FGF13: variants seen among roughly 807,000 people sequenced by gnomAD.
FGF13 encodes the protein fibroblast growth factor 13, also known as fibroblast growth factor homologous factor 2.
A neutral mutation model predicts 19.5 loss-of-function variants in FGF13; 2 were observed. The observed-to-expected ratio is 0.10, with a 90% CI of 0.04 to 0.32. FGF13 has a LOEUF of 0.32. FGF13 is among the 10% of genes least tolerant of loss of function. The pLI is 1.00. For missense variants in FGF13, 113 were observed against 192.7 expected (o/e 0.59, Z 2.45); for synonymous variants, 72 against 76.9 (o/e 0.94, Z 0.33).
At chrX:139,056,178 C>A (rs1193415084) in intron 1 of FGF13, among the ~76,000 whole-genome samples, 1 of 112,485 alleles carries the variant, frequency 8.9e-6, no homozygotes, top group Non-Finnish European at 1.9e-5. Flanking sequence ...GGAACACCTA[C>A]TAGTACTACG....
intron 1 of FGF13, among the ~76,000 whole-genome samples, chrX:139,001,992 A>G (rs1326116426): frequency 8.9e-6 from 1 of 111,950 alleles, no homozygotes; most frequent in Non-Finnish European, 1.9e-5. Context: ...AAATGCACCA[A>G]GGAATACTAT....
At chrX:138,911,510 G>C (rs773513389) in intron 1 of FGF13, among the ~76,000 whole-genome samples, 3 of 110,620 alleles carry the variant, frequency 2.7e-5, no homozygotes, top group African/African-American at 9.9e-5. Context: ...ATAATTAATG[G>C]ATACTAGGCT....
intron 1 of FGF13, among the ~76,000 whole-genome samples, chrX:139,147,203 T>G (rs1033837635): frequency 8.6e-5 from 9 of 105,157 alleles, no homozygotes; most frequent in Non-Finnish European, 1.6e-4. Flanking sequence ...ATAAAAAATT[T>G]AAAAACAAGT....
chrX:138,640,800 A>G (rs756382224), intron 3 of FGF13, among the ~76,000 whole-genome samples: 2 of 111,701 alleles, frequency 1.8e-5, no homozygotes, highest in African/African-American at 6.5e-5. Context: ...GGTTTTTCAT[A>G]CTTTTTTTTC....
At chrX:139,187,948 T>G (rs1225071517) in intron 1 of FGF13, among the ~76,000 whole-genome samples, 1 of 112,110 alleles carries the variant, frequency 8.9e-6, no homozygotes, top group East Asian at 2.8e-4. Flanking sequence ...ATCACCTAGC[T>G]TCTACATGTG....
At chrX:138,733,495 A>T (rs1188517320) in intron 1 of FGF13, among the ~76,000 whole-genome samples, 1 of 111,637 alleles carries the variant, frequency 9.0e-6, no homozygotes, top group Non-Finnish European at 1.9e-5. Flanking sequence ...CAACCAATGA[A>T]CAAACCAAAA....
chrX:139,177,540 G>A (rs1173076560), intron 1 of FGF13, among the ~76,000 whole-genome samples: 1 of 111,504 alleles, frequency 9.0e-6, no homozygotes, highest in African/African-American at 3.3e-5. Flanking sequence ...AATTTGGTAT[G>A]TTTTTGCAGT....
At chrX:138,799,310 G>A (rs763591950) in intron 3 of FGF13, among the ~76,000 whole-genome samples, 3 of 111,447 alleles carry the variant, frequency 2.7e-5, no homozygotes, top group South Asian at 3.8e-4. Context: ...CCTTCATTTC[G>A]TTATTTACCC....
chrX:138,777,542 T>G (rs1409315279), intron 3 of FGF13, among the ~76,000 whole-genome samples: 1 of 111,004 alleles, frequency 9.0e-6, no homozygotes, highest in Non-Finnish European at 1.9e-5. Flanking sequence ...TGGGTGGAAA[T>G]GATGGGAAAG....
At chrX:138,638,691 TAGGACTC>T (rs1202443098) in intron 3 of FGF13, among the ~76,000 whole-genome samples, 2 of 112,185 alleles carry the variant, frequency 1.8e-5, no homozygotes, top group African/African-American at 6.5e-5. Flanking sequence ...TTGGAAATTC[TAGGACTC>T]AGAATTATCA....
chrX:138,990,053 G>C (rs2092009151), intron 1 of FGF13, among the ~76,000 whole-genome samples: 1 of 111,942 alleles, frequency 8.9e-6, no homozygotes, highest in African/African-American at 3.2e-5. Context: ...AATCCTGCCT[G>C]AACAGTATGT....
At chrX:138,681,817 G>A (rs141054390) in intron 3 of FGF13, among the ~76,000 whole-genome samples, 1,309 of 111,468 alleles carry the variant, frequency 0.012, 21 homozygotes, top group South Asian at 0.053. Flanking sequence ...GAGAGATGGG[G>A]GAATGGCCTG....
At chrX:138,713,290 T>C (rs965790568), upstream of FGF13, among the ~76,000 whole-genome samples, 1 of 112,345 alleles carries the variant, frequency 8.9e-6, no homozygotes, top group Non-Finnish European at 1.9e-5. Flanking sequence ...GACTGATTGA[T>C]ATTGATTCTG....
chrX:138,946,962 T>G (rs1421985577), intron 1 of FGF13, among the ~76,000 whole-genome samples: 3 of 112,221 alleles, frequency 2.7e-5, no homozygotes, highest in Non-Finnish European at 5.6e-5. Context: ...TGTAAAGCAA[T>G]TTGTTGTAAC....
At chrX:139,067,916 T>C (rs2092362450) in intron 1 of FGF13, among the ~76,000 whole-genome samples, 1 of 106,446 alleles carries the variant, frequency 9.4e-6, no homozygotes, top group Non-Finnish European at 1.9e-5. Flanking sequence ...CTGTGAAAAT[T>C]TTCTCCCATT....
At chrX:139,195,148 G>A (rs765723445) in intron 1 of FGF13, among the ~76,000 whole-genome samples, 1 of 99,654 alleles carries the variant, frequency 1.0e-5, no homozygotes, top group Non-Finnish European at 2.0e-5. Flanking sequence ...ACTGAGGGAG[G>A]CTGGTTGACC....
intron 1 of FGF13, among the ~76,000 whole-genome samples, chrX:138,938,555 G>A (rs112228890): frequency 1.6e-3 from 180 of 110,774 alleles, no homozygotes; most frequent in African/African-American, 5.7e-3. Context: ...GGATTCTGCC[G>A]CCCCAAAGAA....
intron 3 of FGF13, among the ~76,000 whole-genome samples, chrX:138,747,591 C>T (rs777666403): frequency 1.1e-4 from 12 of 111,884 alleles, no homozygotes; most frequent in Non-Finnish European, 2.3e-4. Flanking sequence ...ACTAAGGTCC[C>T]TTAATAATAG....
chrX:139,036,729 G>A (rs2092251870), intron 1 of FGF13, among the ~76,000 whole-genome samples: 1 of 111,336 alleles, frequency 9.0e-6, no homozygotes, highest in Admixed American at 9.6e-5. Context: ...CACATGGCTG[G>A]GGAGGTGGCA....
Sources: gnomAD v4.1 joint callset for allele counts (sites outside exome capture counted in the v4.1 genomes callset) on GRCh38, gnomAD v4.1.1 for gene constraint, MANE v1.5 for transcripts, NCBI Gene and HGNC (gene_info 2026-07-23, HGNC 2026-07-21) for gene names.